The following MEF2C variants were observed in gnomAD, a reference collection of about 807,000 sequenced individuals.
MEF2C encodes myocyte enhancer factor 2C, also known as myocyte-specific enhancer factor 2C.
Under a neutral mutation model 50.5 loss-of-function variants are expected in MEF2C, and 6 were observed. That is an observed-to-expected ratio of 0.12 (90% CI 0.07 to 0.23). The LOEUF is 0.23. Ranked by LOEUF, MEF2C falls within the 10% of genes least tolerant of loss-of-function variation. MEF2C has a pLI of 1.00. For missense variants in MEF2C, 276 were observed against 605.0 expected (o/e 0.46, Z 5.70); for synonymous variants, 183 against 228.0 (o/e 0.80, Z 1.78).
chr5:88,799,889 C>T (rs1024730623), intron 3 of MEF2C, among the ~76,000 whole-genome samples: 2 of 91,570 alleles, frequency 2.2e-5, no homozygotes. Context: ...CACACACACA[C>T]ACACACACAC....
intron 6 of MEF2C, chr5:88,739,679 T>C (rs1053493248): frequency 3.1e-5 from 31 of 985,280 alleles, no homozygotes; most frequent in Non-Finnish European, 3.6e-5. Context: ...TTACATATGC[T>C]AGGAACTGTG....
intron 6 of MEF2C, chr5:88,741,838 A>C (rs1439918067): frequency 1.0e-6 from 1 of 985,098 alleles, no homozygotes; most frequent in Admixed American, 6.2e-5. Flanking sequence ...AAAACAATTG[A>C]AATGGAGCAA....
chr5:88,836,748 G>A (rs998758491), intron 1 of MEF2C, among the ~76,000 whole-genome samples: 3 of 151,990 alleles, frequency 2.0e-5, no homozygotes, highest in East Asian at 1.9e-4. Flanking sequence ...AGTCATCCTC[G>A]GCAGATAACA....
chr5:88,857,072 C>T (rs1196001373), intron 1 of MEF2C, among the ~76,000 whole-genome samples: 2 of 152,200 alleles, frequency 1.3e-5, no homozygotes, highest in African/African-American at 2.4e-5. Context: ...GGGGGCTATA[C>T]CCTGCAAAGC....
At chr5:88,724,508 C>T (rs1438152025) in intron 10 of MEF2C, among the ~76,000 whole-genome samples, 1 of 152,050 alleles carries the variant, frequency 6.6e-6, no homozygotes, top group Non-Finnish European at 1.5e-5. Flanking sequence ...GCGTCTCTTT[C>T]TCTAGCTTTT....
At chr5:88,830,081 T>C (rs998617939) in intron 1 of MEF2C, among the ~76,000 whole-genome samples, 5 of 152,034 alleles carry the variant, frequency 3.3e-5, no homozygotes, top group Non-Finnish European at 7.4e-5. Flanking sequence ...TTCTGACAGA[T>C]AATGCCTCAT....
chr5:88,758,660 T>C (rs551200282), intron 4 of MEF2C, among the ~76,000 whole-genome samples: 28 of 152,292 alleles, frequency 1.8e-4, no homozygotes, highest in African/African-American at 6.5e-4. Flanking sequence ...TTCAACAAAA[T>C]TGACTTCCAG....
intron 3 of MEF2C, among the ~76,000 whole-genome samples, chr5:88,778,776 T>C (rs1467965379): frequency 6.6e-6 from 1 of 152,206 alleles, no homozygotes; most frequent in Non-Finnish European, 1.5e-5. Flanking sequence ...GATGTGATCT[T>C]CTAAAGTGAA....
intron 1 of MEF2C, among the ~76,000 whole-genome samples, chr5:88,830,113 C>T (rs201876126): frequency 6.6e-6 from 1 of 151,904 alleles, no homozygotes; most frequent in African/African-American, 2.4e-5. Flanking sequence ...CAATAATCAC[C>T]AAATGAAGAA....
At chr5:88,772,674 T>C (rs1782908111) in intron 3 of MEF2C, 4 of 937,624 alleles carry the variant, frequency 4.3e-6, no homozygotes, top group Non-Finnish European at 5.1e-6. Context: ...CTCAACTTCT[T>C]CCCACATAAT....
intron 1 of MEF2C, among the ~76,000 whole-genome samples, chr5:88,891,041 G>A (rs1458726322): frequency 1.3e-5 from 2 of 152,194 alleles, no homozygotes; most frequent in Non-Finnish European, 2.9e-5. Flanking sequence ...ATACTGCTAA[G>A]TATTCCTCCA....
intron 4 of MEF2C, among the ~76,000 whole-genome samples, chr5:88,758,881 A>G (rs187108914): frequency 9.2e-5 from 14 of 152,300 alleles, no homozygotes; most frequent in Non-Finnish European, 1.9e-4. Flanking sequence ...TTTACGTAAC[A>G]GGCTGAAATC....
intron 1 of MEF2C, among the ~76,000 whole-genome samples, chr5:88,840,413 C>G (rs1373375188): frequency 3.3e-5 from 5 of 152,174 alleles, no homozygotes; most frequent in Admixed American, 3.3e-4. Flanking sequence ...CTCATCATTT[C>G]ACATCAGATT....
intron 1 of MEF2C, chr5:88,824,339 A>G (rs1339171945): frequency 1.0e-6 from 1 of 985,002 alleles, no homozygotes; most frequent in Non-Finnish European, 1.2e-6. Context: ...CAGCTAATTC[A>G]TTTCTGAAGG....
rs948741302 is a variant in MEF2C, at chr5:88,727,983, T to C, written c.1100+510A>G. ...AAATTTAGGTAATTAGTATTATATG[T>C]ACTAGTTAGTATTATATACATATAT... On this transcript the variant is annotated intron_variant, in intron 10 of 10. Transcript: ENST00000504921. 4.6e-5 allele frequency among the ~76,000 whole-genome samples: 7 copies of C among 152,084 alleles called. No individual in the cohort carries two copies. The Middle Eastern group carries it at 0.01, about 222-fold the overall frequency.
intron 3 of MEF2C, among the ~76,000 whole-genome samples, chr5:88,778,709 A>G (rs146562368): frequency 1.3e-5 from 2 of 152,360 alleles, no homozygotes; most frequent in East Asian, 3.9e-4. Flanking sequence ...GAGGAAAAAT[A>G]AAGTAAATGA....
intron 3 of MEF2C, among the ~76,000 whole-genome samples, chr5:88,793,600 T>C (rs1794765483): frequency 6.6e-6 from 1 of 152,166 alleles, no homozygotes; most frequent in African/African-American, 2.4e-5. Context: ...TTAAGAAAAG[T>C]ATCCTTGTAT....
chr5:88,830,193 A>G (rs924918641), intron 1 of MEF2C, among the ~76,000 whole-genome samples: 3 of 152,042 alleles, frequency 2.0e-5, no homozygotes, highest in Non-Finnish European at 4.4e-5. Context: ...TTCAGGCTGC[A>G]AAAGTGGAAA....
intron 6 of MEF2C, chr5:88,733,356 GC>G: frequency 1.0e-6 from 1 of 985,342 alleles, no homozygotes; most frequent in Middle Eastern, 5.2e-4. Context: ...CAGGGGTTGG[GC>G]TGTGGAGATC....
Sources: allele counts gnomAD v4.1 joint callset (sites outside exome capture counted in the v4.1 genomes callset), GRCh38; gene constraint gnomAD v4.1.1; transcripts MANE v1.5; gene names NCBI Gene and HGNC (gene_info 2026-07-23, HGNC 2026-07-21).